The following SLC25A21 variants were observed in gnomAD, a reference collection of about 807,000 sequenced individuals.
SLC25A21 encodes mitochondrial 2-oxodicarboxylate carrier.
SLC25A21 carries 47 observed loss-of-function variants against 43.8 expected under a neutral mutation model. The ratio of observed to expected loss-of-function variants is 1.07; its 90% CI spans 0.85 to 1.37. The LOEUF is 1.37. SLC25A21 is among the 40% of genes most tolerant of loss of function. The pLI is 0.00. For synonymous variants in SLC25A21, 131 were observed against 121.3 expected (o/e 1.08, Z -0.52); for missense variants, 352 against 350.2 (o/e 1.00, Z -0.04).
At chr14:37,143,142 T>C (rs1045869222) in intron 1 of SLC25A21, among the ~76,000 whole-genome samples, 2 of 152,214 alleles carry the variant, frequency 1.3e-5, no homozygotes, top group African/African-American at 4.8e-5. Flanking sequence ...ACAGGTGGCC[T>C]TATAATGGAA....
chr14:37,089,675 G>A (rs112904262), intron 1 of SLC25A21, among the ~76,000 whole-genome samples: 357 of 152,254 alleles, frequency 2.3e-3, no homozygotes, highest in African/African-American at 7.8e-3. Context: ...ACAAGGCAAA[G>A]GCTCAAATTT....
chr14:36,958,090 T>C (rs895452812), intron 1 of SLC25A21, among the ~76,000 whole-genome samples: 4 of 151,880 alleles, frequency 2.6e-5, no homozygotes, highest in Non-Finnish European at 5.9e-5. Flanking sequence ...GCTCAACCAT[T>C]AGGCCTTTAT....
chr14:36,894,686 T>G (rs1191169613), intron 1 of SLC25A21, among the ~76,000 whole-genome samples: 1 of 152,196 alleles, frequency 6.6e-6, no homozygotes, highest in Non-Finnish European at 1.5e-5. Flanking sequence ...TTGTCATAGA[T>G]AGCTCCTATT....
At chr14:37,172,166 G>T in intron 1 of SLC25A21, 115 bp downstream of exon 1, 1 of 1,131,788 alleles carries the variant, frequency 8.8e-7, no homozygotes, top group Non-Finnish European at 1.2e-6. Context: ...CGGGAGCGCT[G>T]AATTTTGAGG....
intron 1 of SLC25A21, among the ~76,000 whole-genome samples, chr14:37,142,253 C>T (rs1256647444): frequency 6.6e-6 from 1 of 152,276 alleles, no homozygotes; most frequent in East Asian, 1.9e-4. Flanking sequence ...GTCCAAGGTC[C>T]CACCAGTGAT....
intron 2 of SLC25A21, 108 bp from the exon 3 acceptor site, chr14:36,814,109 T>C: frequency 1.5e-6 from 1 of 680,898 alleles, no homozygotes; most frequent in East Asian, 2.8e-5. Flanking sequence ...TCTAGAATAT[T>C]CTGCTTTGGT....
chr14:36,915,448 A>C (rs1891803944), intron 1 of SLC25A21, among the ~76,000 whole-genome samples: 1 of 152,190 alleles, frequency 6.6e-6, no homozygotes, highest in African/African-American at 2.4e-5. Context: ...GCCAAAAGAT[A>C]AGATAATCAC....
intron 7 of SLC25A21, among the ~76,000 whole-genome samples, chr14:36,694,018 T>A (rs1382146343): frequency 2.0e-5 from 3 of 152,126 alleles, no homozygotes; most frequent in African/African-American, 7.2e-5. Context: ...ACCCATCAAC[T>A]CATCATTTAC....
intron 1 of SLC25A21, among the ~76,000 whole-genome samples, chr14:37,141,479 T>A (rs1021481118): frequency 2.6e-5 from 4 of 152,160 alleles, no homozygotes; most frequent in African/African-American, 9.7e-5. Flanking sequence ...GAATTGTCTA[T>A]GATTATTTCT....
chr14:36,917,955 T>C (rs913821262), intron 1 of SLC25A21, among the ~76,000 whole-genome samples: 1 of 152,156 alleles, frequency 6.6e-6, no homozygotes, highest in African/African-American at 2.4e-5. Flanking sequence ...CTATTACTTT[T>C]TGTCATGTCA....
intron 3 of SLC25A21, among the ~76,000 whole-genome samples, chr14:36,791,084 T>C (rs187081163): frequency 3.4e-4 from 52 of 152,266 alleles, no homozygotes; most frequent in African/African-American, 1.1e-3. Context: ...TTAGAATGGG[T>C]AATCCAATTG....
intron 3 of SLC25A21, among the ~76,000 whole-genome samples, chr14:36,740,422 A>C (rs1305977156): frequency 6.6e-6 from 1 of 152,176 alleles, no homozygotes; most frequent in East Asian, 1.9e-4. Flanking sequence ...GACTAATGAG[A>C]GGTATTTTTC....
rs144985880 is a variant in SLC25A21 at position 36,773,768 on chromosome 14, G to C, written c.204-39195C>G. Among the ~76,000 whole-genome samples the C allele has an allele frequency of 4.6e-5, 7 of 152,318 alleles. No individual in the cohort carries two copies. The East Asian group carries it at 1.2e-3, about 25-fold the overall frequency. On this transcript the variant is annotated intron_variant, in intron 3 of 9. Coordinates refer to ENST00000331299, the MANE Select transcript of SLC25A21 (RefSeq NM_030631.4). ...ATAGAGATGAGAAGACAGAGGCTTA[G>C]AGAAGTTAAATAACTTACCCAGCCA...
chr14:36,854,167 C>A (rs1889828505), intron 2 of SLC25A21, among the ~76,000 whole-genome samples: 1 of 152,188 alleles, frequency 6.6e-6, no homozygotes, highest in African/African-American at 2.4e-5. Context: ...GCGACATGAT[C>A]TCACATTTTA....
intron 1 of SLC25A21, among the ~76,000 whole-genome samples, chr14:37,152,630 TG>T (rs1963778770): frequency 6.6e-6 from 1 of 152,180 alleles, no homozygotes; most frequent in African/African-American, 2.4e-5. Flanking sequence ...GGAAGTCACC[TG>T]CAAACAGACA....
In SLC25A21 at chr14:36,678,494, A is replaced by AAAT; in HGVS notation, c.*2161_*2163dup. On this transcript the variant is annotated 3_prime_UTR_variant, in exon 10 of 10. Coordinates refer to ENST00000331299, the MANE Select transcript of SLC25A21 (RefSeq NM_030631.4). Reference sequence around the variant, plus strand: ...ATCTGGAGTTCCCAGTCTGGTGAGAAAATAGACTATAAACTGAATGGAACA... The same window carrying AAAT: ...ATCTGGAGTTCCCAGTCTGGTGAGAAAATAATAGACTATAAACTGAATGGAACA... 9.1e-6 allele frequency: 14 copies of AAAT among 1,537,008 alleles called. No individual in the cohort carries two copies. The highest frequency in any genetic ancestry group is 1.2e-5 in the Non-Finnish European group (14 of 1,146,722).
chr14:36,946,950 C>T (rs1364912965), intron 1 of SLC25A21, among the ~76,000 whole-genome samples: 2 of 152,152 alleles, frequency 1.3e-5, no homozygotes, highest in African/African-American at 4.8e-5. Context: ...ATTCTGGACA[C>T]TATTTATCTT....
At chr14:36,776,799 A>C (rs1886852536) in intron 3 of SLC25A21, among the ~76,000 whole-genome samples, 1 of 152,140 alleles carries the variant, frequency 6.6e-6, no homozygotes, top group Admixed American at 6.5e-5. Flanking sequence ...TATCAGAAGG[A>C]TATCTGTCAA....
chr14:37,143,677 C>T (rs1963609953), intron 1 of SLC25A21, among the ~76,000 whole-genome samples: 1 of 151,830 alleles, frequency 6.6e-6, no homozygotes, highest in African/African-American at 2.4e-5. Context: ...TGACTGATTT[C>T]ATCATCATTG....
Sources: allele counts gnomAD v4.1 joint callset (sites outside exome capture counted in the v4.1 genomes callset), GRCh38; gene constraint gnomAD v4.1.1; transcripts MANE v1.5; gene names NCBI Gene and HGNC (gene_info 2026-07-23, HGNC 2026-07-21).